Variants in PPP1R9A observed in about 807,000 individuals in gnomAD.
PPP1R9A encodes the protein neurabin-1.
In PPP1R9A, 59 loss-of-function variants were observed where a neutral mutation model predicts 141.9. That is an observed-to-expected ratio of 0.42 (90% CI 0.34 to 0.52). The LOEUF is 0.52. Among genes scored for constraint, PPP1R9A ranks in the 20% least tolerant of loss-of-function variants. The pLI, the probability that PPP1R9A is intolerant of heterozygous loss-of-function variation, is 0.10. For synonymous variants in PPP1R9A, 500 were observed against 569.7 expected, an observed-to-expected ratio of 0.88 and a Z score of 1.74; for missense variants, 1,444 against 1,611.9, an observed-to-expected ratio of 0.90 and a Z score of 1.78.
intron 4 of PPP1R9A, among the ~76,000 whole-genome samples, chr7:95,139,481 C>T (rs934955348): frequency 2.0e-5 from 3 of 152,104 alleles, no homozygotes; most frequent in Admixed American, 6.5e-5. Context: ...CTATTTTGTG[C>T]TTTTGCCTCA....
chr7:95,283,980 T>C (rs768714822), intron 16 of PPP1R9A, 38 bp from the exon 17 acceptor site: 2 of 1,483,546 alleles, frequency 1.3e-6, no homozygotes, highest in Non-Finnish European at 1.8e-6. Context: ...TTATCCGCCC[T>C]TTCTTTATCT....
At chr7:95,081,591 G>A (rs1022856149) in intron 2 of PPP1R9A, among the ~76,000 whole-genome samples, 1 of 152,030 alleles carries the variant, frequency 6.6e-6, no homozygotes, top group South Asian at 2.1e-4. Flanking sequence ...TAAACAGAGA[G>A]AATAAAAATG....
intron 4 of PPP1R9A, among the ~76,000 whole-genome samples, chr7:95,150,690 G>A (rs1245794063): frequency 1.3e-5 from 2 of 152,034 alleles, no homozygotes; most frequent in Non-Finnish European, 2.9e-5. Flanking sequence ...AAAAACTTGT[G>A]TTTTGTGATA....
chr7:95,212,568 A>G (rs760915287), intron 7 of PPP1R9A, among the ~76,000 whole-genome samples: 13 of 152,248 alleles, frequency 8.5e-5, no homozygotes, highest in Middle Eastern at 3.4e-3. Flanking sequence ...ATCAGATAAG[A>G]TCTTATGAAA....
At chr7:95,197,512 A>C (rs908567433) in intron 5 of PPP1R9A, among the ~76,000 whole-genome samples, 1 of 152,128 alleles carries the variant, frequency 6.6e-6, no homozygotes, top group Non-Finnish European at 1.5e-5. Context: ...TTCCCCCCAA[A>C]GGAAGTGAAT....
intron 2 of PPP1R9A, among the ~76,000 whole-genome samples, chr7:95,012,378 G>A (rs985940704): frequency 4.6e-5 from 7 of 152,082 alleles, no homozygotes; most frequent in Non-Finnish European, 7.4e-5. Flanking sequence ...AACAGCACTA[G>A]GGGAATAGTG....
chr7:95,041,845 A>C (rs1165925212), intron 2 of PPP1R9A, among the ~76,000 whole-genome samples: 1 of 152,020 alleles, frequency 6.6e-6, no homozygotes, highest in African/African-American at 2.4e-5. Flanking sequence ...AAATTTTTTC[A>C]GTGAGACTTC....
chr7:95,146,563 T>G (rs1827658556), intron 4 of PPP1R9A, among the ~76,000 whole-genome samples: 1 of 151,262 alleles, frequency 6.6e-6, no homozygotes. Context: ...AGTCATGAAG[T>G]CTTTGCTCAT....
chr7:94,947,791 A>C (rs1796053575), intron 2 of PPP1R9A, among the ~76,000 whole-genome samples: 1 of 152,174 alleles, frequency 6.6e-6, no homozygotes, highest in African/African-American at 2.4e-5. Context: ...ATGAAAAAAC[A>C]AACTAGAAGG....
At chr7:95,095,517 C>T (rs1396742819) in intron 2 of PPP1R9A, among the ~76,000 whole-genome samples, 1 of 152,120 alleles carries the variant, frequency 6.6e-6, no homozygotes, top group East Asian at 1.9e-4. Context: ...AAAGGATTTC[C>T]ACCCTCTGAG....
At chr7:95,192,939 T>C (rs576987955) in intron 5 of PPP1R9A, among the ~76,000 whole-genome samples, 1 of 152,266 alleles carries the variant, frequency 6.6e-6, no homozygotes, top group South Asian at 2.1e-4. Flanking sequence ...TATAGGAAGG[T>C]AATTTGAATG....
chr7:94,957,884 A>G (rs1437619038), intron 2 of PPP1R9A, among the ~76,000 whole-genome samples: 2 of 152,040 alleles, frequency 1.3e-5, no homozygotes, highest in African/African-American at 4.8e-5. Context: ...TAGTTATGAG[A>G]AAGCAACTAT....
chr7:95,059,384 T>C (rs764444686), intron 2 of PPP1R9A, among the ~76,000 whole-genome samples: 3 of 152,194 alleles, frequency 2.0e-5, no homozygotes, highest in Admixed American at 6.5e-5. Flanking sequence ...ACTCTTTTAA[T>C]AGCTTTTTAG....
chr7:95,081,509 A>C (rs1815825201), intron 2 of PPP1R9A, among the ~76,000 whole-genome samples: 1 of 151,960 alleles, frequency 6.6e-6, no homozygotes, highest in Non-Finnish European at 1.5e-5. Flanking sequence ...GGATGGAATT[A>C]ACTGTGCATT....
intron 4 of PPP1R9A, among the ~76,000 whole-genome samples, chr7:95,133,297 G>C (rs538938245): frequency 4.6e-5 from 7 of 152,064 alleles, no homozygotes; most frequent in African/African-American, 7.2e-5. Flanking sequence ...TCTTTAAACT[G>C]TCTTTGGCTT....
chr7:95,140,834 C>A lies in PPP1R9A; in HGVS notation c.1649+20002C>A, dbSNP rs140884727. On this transcript the variant is annotated intron_variant, in intron 4 of 19. Transcript: ENST00000433360. ...GCTCAAGCAATCCTCCCACCTCAGC[C>A]TCCAGAGTAACTGGGACCACTGGTG... Among the ~76,000 whole-genome samples, 821 of 152,336 alleles carry A rather than the reference C, an allele frequency of 5.4e-3. 7 individuals carry two copies. The highest frequency in any genetic ancestry group is 0.019 in the African/African-American group (775 of 41,552).
chr7:95,240,888 T>C (rs1402479998), intron 8 of PPP1R9A, among the ~76,000 whole-genome samples: 1 of 152,200 alleles, frequency 6.6e-6, no homozygotes, highest in Non-Finnish European at 1.5e-5. Context: ...TATTTGTTAA[T>C]AGACCTAAGG....
Position 95,044,719 on chromosome 7 carries a change from T to C in PPP1R9A, c.1396-66540T>C, listed in dbSNP as rs1031663865. ...GCCACCACACCCAGCTAATTAAATATATATATATATATAATATATATATAT... is the reference window on the plus strand; with the variant it reads ...GCCACCACACCCAGCTAATTAAATACATATATATATATAATATATATATAT... On this transcript the variant is annotated intron_variant, in intron 2 of 19. Coordinates refer to ENST00000433360, the MANE Select transcript of PPP1R9A (RefSeq NM_001166160.2). Among the ~76,000 whole-genome samples, 4 of 146,198 alleles carry C rather than the reference T, an allele frequency of 2.7e-5. No homozygotes were observed. In the East Asian group the frequency reaches 5.9e-4, roughly 22 times the overall value.
chr7:95,117,777 T>C (rs1821772809), intron 3 of PPP1R9A, among the ~76,000 whole-genome samples: 1 of 152,134 alleles, frequency 6.6e-6, no homozygotes, highest in Admixed American at 6.5e-5. Flanking sequence ...TGATAAGTTA[T>C]ACTGAAGAGA....
Sources: gnomAD v4.1 joint callset for allele counts (sites outside exome capture counted in the v4.1 genomes callset) on GRCh38, gnomAD v4.1.1 for gene constraint, MANE v1.5 for transcripts, NCBI Gene and HGNC (gene_info 2026-07-23, HGNC 2026-07-21) for gene names.